The following C2CD3 variants were observed in gnomAD, a reference collection of about 807,000 sequenced individuals.
C2CD3 encodes the protein C2 domain-containing protein 3.
In C2CD3, 148 loss-of-function variants were observed where a neutral mutation model predicts 234.0. That is an observed-to-expected ratio of 0.63 (90% CI 0.55 to 0.72). The LOEUF (loss-of-function observed/expected upper bound fraction) is 0.72, where lower values mean the gene tolerates loss of function less well. C2CD3 is among the 30% of genes least tolerant of loss of function. C2CD3 has a pLI of 0.00. For missense variants in C2CD3, 2,577 were observed against 2,811.5 expected (o/e 0.92, Z 1.89); for synonymous variants, 1,000 against 1,035.4 (o/e 0.97, Z 0.66).
intron 3 of C2CD3, among the ~76,000 whole-genome samples, chr11:74,160,358 C>T (rs1856373126): frequency 6.6e-6 from 1 of 151,984 alleles, no homozygotes; most frequent in Admixed American, 6.6e-5. Context: ...ATCAACAAAT[C>T]AATGGATTTA....
chr11:74,029,480 A>G (rs553370437), intron 31 of C2CD3, among the ~76,000 whole-genome samples: 6 of 152,252 alleles, frequency 3.9e-5, no homozygotes, highest in African/African-American at 1.4e-4. Flanking sequence ...CAAGTCCCTG[A>G]TTTTTCTGTA....
intron 27 of C2CD3, 99 bp downstream of exon 27, chr11:74,049,238 A>G: frequency 1.0e-6 from 1 of 954,204 alleles, no homozygotes; most frequent in African/African-American, 1.6e-5. Flanking sequence ...ATAGTATATA[A>G]CGTATTCTAT....
At chr11:74,035,826 C>T (rs1486428608) in intron 30 of C2CD3, among the ~76,000 whole-genome samples, 1 of 151,628 alleles carries the variant, frequency 6.6e-6, no homozygotes, top group African/African-American at 2.4e-5. Flanking sequence ...TCCATTTCTT[C>T]CAGGATAAAC....
chr11:74,122,421 T>C (rs1387406629), intron 8 of C2CD3, among the ~76,000 whole-genome samples: 1 of 152,202 alleles, frequency 6.6e-6, no homozygotes, highest in Non-Finnish European at 1.5e-5. Flanking sequence ...ATCAGGAGTA[T>C]GAACCTTCAC....
At position 74,084,912 on chromosome 11, in the gene C2CD3, A is replaced by T. The variant is rs1260883041; in HGVS notation, c.3969T>A (p.Val1323=). The change falls in exon 22 of 33, where the codon GTT becomes GTA. Residue 1323 remains valine (V), a synonymous_variant. Coordinates refer to ENST00000334126, the MANE Select transcript of C2CD3 (RefSeq NM_001286577.2). ...CKEYLLGVVK[V]PTKELLIKRS... ...TCTTGATCAGCAGCTCTTTTGTTGG[A>T]ACTTTTACTACTCCAAGCAGATACT... 6.2e-7 allele frequency: 1 copy of T among 1,612,064 alleles called. No individual in the cohort carries two copies. Among genetic ancestry groups the T allele is most frequent in the South Asian group, 1.1e-5 (1 of 91,044 alleles).
chr11:74,018,915 C>T (rs1315389686), intron 32 of C2CD3, among the ~76,000 whole-genome samples: 1 of 152,300 alleles, frequency 6.6e-6, no homozygotes, highest in Middle Eastern at 3.4e-3. Flanking sequence ...CCGTGCCACA[C>T]CCCACCTGAT....
rs867740563 is a variant in C2CD3 at position 74,034,058 on chromosome 11, G to A, written c.6102C>T (p.Leu2034=). The change falls in exon 31 of 33, where the codon CTC becomes CTT. Residue 2034 remains leucine (L), a synonymous_variant. Coordinates refer to ENST00000334126, the MANE Select transcript of C2CD3 (RefSeq NM_001286577.2). ...LEETSNGGRM[L]HESLRHAVPI... Reference sequence around the variant, plus strand: ...GTACTGCATGCCTCAGGGACTCATGGAGCATTCTTCCTCCATTTGAAGTCT... The same window carrying A: ...GTACTGCATGCCTCAGGGACTCATGAAGCATTCTTCCTCCATTTGAAGTCT... The A allele has an allele frequency of 6.5e-7, 1 of 1,536,366 alleles. No homozygotes were observed. Among genetic ancestry groups the A allele is most frequent in the Non-Finnish European group, 8.7e-7 (1 of 1,146,956 alleles).
chr11:74,111,098 G>A (rs996585338), intron 11 of C2CD3, among the ~76,000 whole-genome samples: 1 of 152,204 alleles, frequency 6.6e-6, no homozygotes, highest in African/African-American at 2.4e-5. Context: ...ACGGTGCTAG[G>A]TTGAAATTCT....
At chr11:74,051,084 C>T (rs906807112) in intron 26 of C2CD3, among the ~76,000 whole-genome samples, 4 of 150,996 alleles carry the variant, frequency 2.6e-5, no homozygotes, top group African/African-American at 7.4e-5. Flanking sequence ...GCCAAGAGTT[C>T]GAGACCAGTC....
At chr11:74,103,027 C>A in intron 14 of C2CD3, 104 bp downstream of exon 14, 1 of 1,152,352 alleles carries the variant, frequency 8.7e-7, no homozygotes, top group Non-Finnish European at 1.2e-6. Flanking sequence ...TACGAAGGTT[C>A]CTTCTAGTCT....
intron 28 of C2CD3, among the ~76,000 whole-genome samples, chr11:74,044,952 T>C (rs1408933911): frequency 1.3e-5 from 2 of 152,092 alleles, no homozygotes; most frequent in Non-Finnish European, 2.9e-5. Flanking sequence ...TTTTTTCTTT[T>C]GTTATTTGTG....
At chr11:74,167,274 A>G (rs1856871840) in intron 2 of C2CD3, among the ~76,000 whole-genome samples, 1 of 152,210 alleles carries the variant, frequency 6.6e-6, no homozygotes, top group African/African-American at 2.4e-5. Context: ...CTCATTTGTT[A>G]TATTATATAA....
At chr11:74,095,121 A>C in intron 17 of C2CD3, 107 bp downstream of exon 17, 1 of 681,086 alleles carries the variant, frequency 1.5e-6, no homozygotes, top group Non-Finnish European at 2.2e-6. Context: ...GCCCAGTAAG[A>C]CTAGAAATAT....
At chr11:74,116,930 G>A (rs1274278737) in intron 9 of C2CD3, among the ~76,000 whole-genome samples, 1 of 106,136 alleles carries the variant, frequency 9.4e-6, no homozygotes, top group Non-Finnish European at 1.9e-5. Context: ...ATATACACGT[G>A]TATATACACA....
chr11:74,138,409 T>C (rs1411052729), intron 5 of C2CD3, among the ~76,000 whole-genome samples: 2 of 152,240 alleles, frequency 1.3e-5, no homozygotes, highest in Non-Finnish European at 2.9e-5. Context: ...CTTACCTGCC[T>C]TGAATTATTT....
At chr11:74,031,184 T>TATTTTC (rs1393459214) in intron 31 of C2CD3, among the ~76,000 whole-genome samples, 9 of 152,236 alleles carry the variant, frequency 5.9e-5, no homozygotes, top group Admixed American at 1.3e-4. Flanking sequence ...TTTACATGAT[T>TATTTTC]ATTTTCATTT....
intron 17 of C2CD3, among the ~76,000 whole-genome samples, chr11:74,094,496 G>T (rs147062406): frequency 6.6e-6 from 1 of 152,072 alleles, no homozygotes; most frequent in African/African-American, 2.4e-5. Context: ...AACATACACC[G>T]AATGGCAAAA....
In C2CD3 at chr11:74,048,209, C is replaced by A. The variant is rs1632245; in HGVS notation, c.5491G>T (p.Gly1831Trp). The A allele has an allele frequency of 7.7e-3, 12,452 of 1,613,026 alleles. 833 individuals carry two copies. The African/African-American group carries it at 0.15, about 19-fold the overall frequency. Residue 1831 changes from glycine (G) to tryptophan (W), a missense_variant, in exon 28 of 33, where the codon GGG becomes TGG. Coordinates refer to ENST00000334126, the MANE Select transcript of C2CD3 (RefSeq NM_001286577.2). ...SSKELDFSSP[G>W]RSDTTRSQAS... ...CATCATCAAGAATTCACTCACCTCCCAGGAGAGGAGAAATCAAGCTCCTTT... is the reference window on the plus strand; with the variant it reads ...CATCATCAAGAATTCACTCACCTCCAAGGAGAGGAGAAATCAAGCTCCTTT...
chr11:74,108,889 A>G, intron 12 of C2CD3, 145 bp downstream of exon 12: 1 of 283,270 alleles, frequency 3.5e-6, no homozygotes, highest in Non-Finnish European at 6.6e-6. Context: ...AATAATAATG[A>G]TAATAATAAT....
Sources: allele counts gnomAD v4.1 joint callset (sites outside exome capture counted in the v4.1 genomes callset), GRCh38; gene constraint gnomAD v4.1.1; transcripts MANE v1.5; gene names NCBI Gene and HGNC (gene_info 2026-07-23, HGNC 2026-07-21).